MYO18A: variants seen among roughly 807,000 people sequenced by gnomAD.
MYO18A encodes the protein myosin XVIIIA, also known as unconventional myosin-XVIIIa.
In MYO18A, 78 loss-of-function variants were observed where a neutral mutation model predicts 235.8. That is an observed-to-expected ratio of 0.33 (90% CI 0.28 to 0.40). MYO18A has a LOEUF of 0.40. Ranked by LOEUF, MYO18A falls within the 10% of genes least tolerant of loss-of-function variation. The probability of loss-of-function intolerance (pLI) is 1.00; values close to 1 mark genes in which losing one functional copy is unlikely to be tolerated. For synonymous variants in MYO18A, 977 were observed against 1,077.8 expected (o/e 0.91, Z 1.83); for missense variants, 2,215 against 2,699.3 (o/e 0.82, Z 3.98).
At chr17:29,119,519 A>G (rs1179786180) in intron 7 of MYO18A, 84 bp from the exon 8 acceptor site, 3 of 910,514 alleles carry the variant, frequency 3.3e-6, no homozygotes, top group Non-Finnish European at 5.0e-6. Flanking sequence ...AATCAAACAC[A>G]TGGTCCTCTA....
At position 29,120,890 on chromosome 17, in the gene MYO18A, G is replaced by T. The variant is rs1365793610; in HGVS notation, c.1585+108C>A. ...CTGCCCGTGGACAGAGGGGTTTCGG[G>T]GGGATGGAAAGGCCAGGGAGAAAAA... On this transcript the variant is annotated intron_variant, in intron 6 of 41. Transcript: ENST00000527372. This position sits in a 1 kb window ranked among gnomAD's most constrained non-coding sequence, Gnocchi z 4.2. 23 of 1,560,320 alleles carry T rather than the reference G, an allele frequency of 1.5e-5. No individual in the cohort carries two copies. Among genetic ancestry groups the T allele is most frequent in the Non-Finnish European group, 2.0e-5 (23 of 1,147,230 alleles).
At chr17:29,134,569 C>G (rs1598359545) in intron 2 of MYO18A, among the ~76,000 whole-genome samples, 1 of 152,078 alleles carries the variant, frequency 6.6e-6, no homozygotes, top group African/African-American at 2.4e-5. Flanking sequence ...GTTGCCCAGG[C>G]TGGAGTACAA....
At position 29,092,419 on chromosome 17, in the gene MYO18A, T is replaced by G. The variant is rs1385641104; in HGVS notation, c.5111A>C (p.Lys1704Thr). Residue 1704 changes from lysine (K) to threonine (T), a missense_variant, in exon 34 of 42, where the codon AAA becomes ACA. Transcript: ENST00000527372. ...CTCCACCTCCATTGCTTTCCGTGCT[T>G]TCACGGCTGCCGCACAGGTGAACTC... ...ESEFTCAAAV[K>T]ARKAMEVEIE... is the part of the protein sequence containing the mutation. The G allele has an allele frequency of 1.9e-6, 3 of 1,612,498 alleles. No homozygotes were observed. The highest frequency in any genetic ancestry group is 2.5e-6 in the Non-Finnish European group (3 of 1,179,840).
intron 41 of MYO18A, chr17:29,081,093 T>C: frequency 1.4e-6 from 1 of 736,648 alleles, no homozygotes; most frequent in Non-Finnish European, 1.7e-6. Flanking sequence ...GAGGAACAAG[T>C]ATTAAACTCA....
At chr17:29,080,638 C>T (rs1598264970) in intron 41 of MYO18A, 1 of 985,604 alleles carries the variant, frequency 1.0e-6, no homozygotes, top group Non-Finnish European at 1.2e-6. Flanking sequence ...TTCGCCAGAG[C>T]CCCGCCGCGT....
At position 29,096,846 on chromosome 17, in the gene MYO18A, G is replaced by A; in HGVS notation, c.4300C>T (p.Arg1434Ter). The change falls in exon 28 of 42, where the codon CGA becomes TGA. Residue 1434 changes from arginine to a stop codon, truncating the protein, a stop_gained. Coordinates refer to ENST00000527372, the MANE Select transcript of MYO18A (RefSeq NM_078471.4). LOFTEE classifies it high-confidence loss of function. ...ALQQLKKKCQ[R>*]LTAELQDTKL... ...GTGTCTTGCAGCTCAGCCGTCAGTC[G>A]CTGGCACTTCTTCTTGAGCTGCTGC... The A allele has an allele frequency of 1.9e-6, 3 of 1,591,868 alleles. No individual in the cohort carries two copies. The highest frequency in any genetic ancestry group is 2.3e-5 in the East Asian group (1 of 43,880).
At chr17:29,144,538 T>G (rs536089014) in intron 2 of MYO18A, among the ~76,000 whole-genome samples, 49 of 152,338 alleles carry the variant, frequency 3.2e-4, no homozygotes, top group Non-Finnish European at 6.5e-4. Flanking sequence ...TTTCTTGCTG[T>G]CTGACCTAAG....
chr17:29,123,476 G>T (rs1002312146), intron 2 of MYO18A, among the ~76,000 whole-genome samples: 1 of 152,350 alleles, frequency 6.6e-6, no homozygotes, highest in Admixed American at 6.5e-5. Flanking sequence ...AACATAAGAA[G>T]TATGTTCTTT....
In MYO18A at chr17:29,103,703, C is replaced by A. The variant is rs938770568; in HGVS notation, c.3442-39G>T. 5 of 1,601,316 alleles carry A rather than the reference C, an allele frequency of 3.1e-6. No homozygotes were observed. In the African/African-American group the frequency reaches 6.7e-5, roughly 21 times the overall value. ...CCTCTGTCAGGCAGCCCGCCTGGGC[C>A]TCCCCTCACCATGCAGGGCTTTCTC... On this transcript the variant is annotated intron_variant, in intron 20 of 41. Transcript: ENST00000527372.
chr17:29,111,333 G>A lies in MYO18A; in HGVS notation c.2900+91C>T. ...TAAAGGCCATCTACTTTGCTAGTGA[G>A]GGGGCCTCTGAGACAACCCCAGGGG... On this transcript the variant is annotated intron_variant, in intron 17 of 41. Coordinates refer to ENST00000527372, the MANE Select transcript of MYO18A (RefSeq NM_078471.4). This position sits in a 1 kb window ranked among gnomAD's most constrained non-coding sequence, Gnocchi z 5.1. 7.0e-7 allele frequency: 1 copy of A among 1,437,302 alleles called. No homozygotes were observed. 89.0% of individuals were successfully genotyped at this position (1,437,302 alleles called of 1,614,324 possible).
chr17:29,129,157 A>C, intron 2 of MYO18A: 1 of 1,262,242 alleles, frequency 7.9e-7, no homozygotes, highest in African/African-American at 1.5e-5. Flanking sequence ...TCCTGGCCCC[A>C]AGACATGCCA....
chr17:29,163,319 A>C (rs2068213314), intron 2 of MYO18A, among the ~76,000 whole-genome samples: 1 of 152,208 alleles, frequency 6.6e-6, no homozygotes, highest in Admixed American at 6.5e-5. Context: ...AGGAAGCTGG[A>C]AACGCTGGGC....
At position 29,157,784 on chromosome 17, in the gene MYO18A, C is replaced by CT. The variant is rs978256823; in HGVS notation, c.999+8157dup. Among the ~76,000 whole-genome samples the CT allele has an allele frequency of 1.2e-3, 176 of 149,848 alleles. 2 individuals are homozygous for CT. The East Asian group carries it at 0.015, about 13-fold the overall frequency. On this transcript the variant is annotated intron_variant, in intron 2 of 41. Coordinates refer to ENST00000527372, the MANE Select transcript of MYO18A (RefSeq NM_078471.4). ...CCAAGGCATTTCTGTTTAGTTCAGTCTTTTTTTTTTCTTTCGAGACAGGGT... is the reference window on the plus strand; with the variant it reads ...CCAAGGCATTTCTGTTTAGTTCAGTCTTTTTTTTTTTCTTTCGAGACAGGGT...
intron 2 of MYO18A, among the ~76,000 whole-genome samples, chr17:29,156,709 A>G (rs894021713): frequency 1.1e-4 from 17 of 152,358 alleles, no homozygotes; most frequent in Admixed American, 5.2e-4. Flanking sequence ...AAGGAATGAG[A>G]TAACTCAGTA....
rs749532145 is a variant in MYO18A, at chr17:29,090,579, C to T, written c.5341G>A (p.Ala1781Thr). 1.4e-4 allele frequency: 220 copies of T among 1,601,266 alleles called. No homozygotes were observed. The Middle Eastern group carries it at 3.0e-3, about 22-fold the overall frequency. Residue 1781 changes from alanine to threonine, a missense_variant, in exon 36 of 42, where the codon GCT becomes ACT. By Grantham distance (58) the Ala-to-Thr change is moderately conservative (BLOSUM62 0). Coordinates refer to ENST00000527372, the MANE Select transcript of MYO18A (RefSeq NM_078471.4). Reference sequence around the variant, plus strand: ...TCTTTGTTGGCTTCTTCTAGCTGAGCTTGGAGATCATTTATCTGAGCCAGG... The same window carrying T: ...TCTTTGTTGGCTTCTTCTAGCTGAGTTTGGAGATCATTTATCTGAGCCAGG... ...RDLAQINDLQAQLEEANKEKQ... is the reference protein window; with the variant it reads ...RDLAQINDLQTQLEEANKEKQ...
intron 40 of MYO18A, among the ~76,000 whole-genome samples, chr17:29,085,365 A>T (rs549301977): frequency 6.6e-6 from 1 of 152,122 alleles, no homozygotes; most frequent in Non-Finnish European, 1.5e-5. Context: ...GAGCCCCCCC[A>T]TCCTGCCCAC....
At chr17:29,087,488 G>A (rs760854625) in intron 37 of MYO18A, among the ~76,000 whole-genome samples, 1 of 152,152 alleles carries the variant, frequency 6.6e-6, no homozygotes, top group Non-Finnish European at 1.5e-5. Context: ...AGGGCTTCCC[G>A]CAGGGACTCT....
intron 37 of MYO18A, among the ~76,000 whole-genome samples, chr17:29,089,194 A>G (rs1194968850): frequency 6.6e-6 from 1 of 151,884 alleles, no homozygotes. Flanking sequence ...GCACTTTGGG[A>G]GGCCGAGGCG....
chr17:29,124,662 G>A, intron 2 of MYO18A: 1 of 1,285,226 alleles, frequency 7.8e-7, no homozygotes. Context: ...CCTGGCTGTG[G>A]GCATGAGAGG....
Sources: allele counts gnomAD v4.1 joint callset (sites outside exome capture counted in the v4.1 genomes callset), GRCh38; gene constraint gnomAD v4.1.1; non-coding constraint Gnocchi (gnomAD v3.1); transcripts MANE v1.5; gene names NCBI Gene and HGNC (gene_info 2026-07-23, HGNC 2026-07-21).